Variants in PI4KA observed in about 807,000 individuals in gnomAD.
The protein encoded by PI4KA is phosphatidylinositol 4-kinase alpha.
PI4KA carries 122 observed loss-of-function variants against 271.4 expected under a neutral mutation model. The observed-to-expected ratio is 0.45, with a 90% CI of 0.39 to 0.52. The LOEUF (loss-of-function observed/expected upper bound fraction) is 0.52, where lower values mean the gene tolerates loss of function less well. Among genes scored for constraint, PI4KA ranks in the 20% least tolerant of loss-of-function variants. PI4KA has a pLI of 0.00. For missense variants in PI4KA, 1,969 were observed against 2,769.1 expected (o/e 0.71, Z 6.48); for synonymous variants, 1,041 against 1,078.8 (o/e 0.96, Z 0.69).
intron 15 of PI4KA, 132 bp from the exon 16 acceptor site, chr22:20,799,408 G>A: frequency 1.1e-6 from 1 of 919,188 alleles, no homozygotes; most frequent in Non-Finnish European, 1.6e-6. Flanking sequence ...GAAACTGACA[G>A]CCCAGGATTT....
chr22:20,774,501 G>A (rs372869726), intron 19 of PI4KA, among the ~76,000 whole-genome samples: 6 of 152,154 alleles, frequency 3.9e-5, no homozygotes, highest in African/African-American at 1.2e-4. Flanking sequence ...AGTGGCTCAC[G>A]CCTGTAATCC....
chr22:20,723,064 T>A (rs1229845934), intron 42 of PI4KA, among the ~76,000 whole-genome samples: 1 of 151,692 alleles, frequency 6.6e-6, no homozygotes, highest in African/African-American at 2.4e-5. Flanking sequence ...AGTCTCGCTC[T>A]GTCTCCCAGG....
intron 30 of PI4KA, among the ~76,000 whole-genome samples, chr22:20,743,977 C>G (rs1929767943): frequency 6.6e-6 from 1 of 152,122 alleles, no homozygotes; most frequent in Non-Finnish European, 1.5e-5. Flanking sequence ...TGGCGTGAAC[C>G]CAGGAGGCAG....
At chr22:20,725,621 A>G (rs5751806) in intron 42 of PI4KA, 159,483 of 428,824 alleles carry the variant, frequency 0.37, 30,725 homozygotes, top group Admixed American at 0.48. Context: ...GGAGATGGGC[A>G]CAGTGGCTCA....
At chr22:20,771,738 C>T (rs1932884079) in intron 19 of PI4KA, among the ~76,000 whole-genome samples, 1 of 151,934 alleles carries the variant, frequency 6.6e-6, no homozygotes, top group South Asian at 2.1e-4. Flanking sequence ...TGTGCCACCA[C>T]ACCCAGCTAA....
intron 23 of PI4KA, among the ~76,000 whole-genome samples, chr22:20,756,505 C>T (rs1931322310): frequency 6.6e-6 from 1 of 152,214 alleles, no homozygotes; most frequent in East Asian, 1.9e-4. Context: ...CAGGCGTGAG[C>T]CACCACACCT....
At chr22:20,712,394 G>A (rs1340527612) in intron 50 of PI4KA, 92 bp downstream of exon 50, 23 of 1,565,248 alleles carry the variant, frequency 1.5e-5, no homozygotes, top group Non-Finnish European at 1.9e-5. Context: ...GGATGACTGA[G>A]GAGAGCAGGG....
At chr22:20,785,406 G>C (rs1324357066) in intron 19 of PI4KA, among the ~76,000 whole-genome samples, 2 of 152,152 alleles carry the variant, frequency 1.3e-5, no homozygotes, top group Non-Finnish European at 2.9e-5. Flanking sequence ...CTTGGTGCAA[G>C]GTATGAGCTA....
At chr22:20,760,176 A>C (rs1437121247) in intron 23 of PI4KA, among the ~76,000 whole-genome samples, 2 of 152,246 alleles carry the variant, frequency 1.3e-5, no homozygotes, top group African/African-American at 4.8e-5. Flanking sequence ...TTTATCAATA[A>C]GCATGCCTCA....
Position 20,707,755 on chromosome 22 carries a change from T to A in PI4KA, c.*292A>T. 6.3e-6 allele frequency: 3 copies of A among 475,736 alleles called. No homozygotes were observed. Among genetic ancestry groups the A allele is most frequent in the South Asian group, 2.4e-5 (1 of 42,328 alleles). The allele number at this position is 475,736 out of a possible 1,614,324, so 29.5% of individuals were successfully genotyped here. On this transcript the variant is annotated 3_prime_UTR_variant, in exon 55 of 55. Transcript: ENST00000255882. The stretch of plus-strand genomic sequence containing the variant: ...GTTGGTTAAATCTTATCTCTTTTTT[T>A]ATACACAATACTTCATGTACCTATG...
At chr22:20,798,534 A>C in intron 17 of PI4KA, 50 bp downstream of exon 17, 1 of 1,095,244 alleles carries the variant, frequency 9.1e-7, no homozygotes, top group Non-Finnish European at 1.4e-6. Context: ...ACATTTTTAA[A>C]GTAAGTTAAA....
rs1030937196 is a variant in PI4KA at position 20,838,083 on chromosome 22, T to C, written c.273+532A>G. Among the ~76,000 whole-genome samples the C allele has an allele frequency of 2.0e-5, 3 of 149,404 alleles. No individual in the cohort carries two copies. In the Admixed American group the frequency reaches 2.0e-4, roughly 10 times the overall value. ...TTGCAGTGAGCCGAGATTGCACCAC[T>C]GCACTCCAGCCTGGGTGACAAAGCA... is the stretch of plus-strand genomic sequence containing the variant. On this transcript the variant is annotated intron_variant, in intron 2 of 54. Transcript: ENST00000255882.
At chr22:20,751,602 G>T in intron 26 of PI4KA, 72 bp downstream of exon 26, 1 of 1,267,592 alleles carries the variant, frequency 7.9e-7, no homozygotes. Context: ...CCACAACACA[G>T]GGCGGACAGG....
intron 19 of PI4KA, among the ~76,000 whole-genome samples, chr22:20,786,577 C>T (rs540904213): frequency 2.9e-4 from 44 of 152,322 alleles, no homozygotes; most frequent in African/African-American, 1.0e-3. Context: ...TTCCCCATCC[C>T]GGAGAAGTGC....
intron 22 of PI4KA, among the ~76,000 whole-genome samples, chr22:20,763,022 G>GT (rs957278946): frequency 1.3e-4 from 13 of 102,552 alleles, no homozygotes; most frequent in Non-Finnish European, 2.2e-4. Context: ...TTTTTTGGGG[G>GT]GGGGGGGGGT....
intron 42 of PI4KA, among the ~76,000 whole-genome samples, chr22:20,722,331 C>T (rs1026038704): frequency 6.6e-6 from 1 of 152,070 alleles, no homozygotes; most frequent in Admixed American, 6.6e-5. Flanking sequence ...GGATTACAGG[C>T]GCACACCACC....
intron 14 of PI4KA, among the ~76,000 whole-genome samples, chr22:20,800,893 T>G (rs1935274075): frequency 7.3e-6 from 1 of 136,790 alleles, no homozygotes; most frequent in Admixed American, 7.3e-5. Context: ...AAAGGAAGAA[T>G]TTCTTTTTTT....
At position 20,818,624 on chromosome 22, in the gene PI4KA, C is replaced by G. The variant is rs1439036950; in HGVS notation, c.790-75G>C. On this transcript the variant is annotated intron_variant, in intron 6 of 54. Coordinates refer to ENST00000255882, the MANE Select transcript of PI4KA (RefSeq NM_058004.4). Reference sequence around the variant, plus strand: ...CATCAGATTTGTCTTAGACAAGGTCCTCTCTGCCAGCCCAATGTTTGTACT... The same window carrying G: ...CATCAGATTTGTCTTAGACAAGGTCGTCTCTGCCAGCCCAATGTTTGTACT... 4 of 1,127,550 alleles carry G rather than the reference C, an allele frequency of 3.5e-6. No homozygotes were observed. In the East Asian group the frequency reaches 8.6e-5, roughly 24 times the overall value. The allele number at this position is 1,127,550 out of a possible 1,614,324, so 69.8% of individuals were successfully genotyped here.
At chr22:20,725,514 A>G (rs779639663) in intron 42 of PI4KA, 1 of 450,326 alleles carries the variant, frequency 2.2e-6, no homozygotes, top group Non-Finnish European at 4.5e-6. Context: ...CTAATCTAGT[A>G]TGACAGGTGT....
Sources: allele counts gnomAD v4.1 joint callset (sites outside exome capture counted in the v4.1 genomes callset), GRCh38; gene constraint gnomAD v4.1.1; transcripts MANE v1.5; gene names NCBI Gene and HGNC (gene_info 2026-07-23, HGNC 2026-07-21).